ST14: variants seen among roughly 807,000 people sequenced by gnomAD.
The protein encoded by ST14 is ST14 transmembrane serine protease matriptase, also known as suppressor of tumorigenicity 14 protein.
In ST14, 40 loss-of-function variants were observed where a neutral mutation model predicts 96.5. The observed-to-expected ratio is 0.41, with a 90% CI of 0.32 to 0.54. ST14 has a LOEUF of 0.54. Ranked by LOEUF, ST14 falls within the 20% of genes least tolerant of loss-of-function variation. ST14 has a pLI of 0.17. For synonymous variants in ST14, 506 were observed against 492.1 expected (o/e 1.03, Z -0.37); for missense variants, 1,066 against 1,188.9 (o/e 0.90, Z 1.52).
chr11:130,200,816 C>T (rs1001934373), intron 16 of ST14, among the ~76,000 whole-genome samples: 1 of 152,192 alleles, frequency 6.6e-6, no homozygotes, highest in Non-Finnish European at 1.5e-5. Context: ...GAAGTAGGGA[C>T]GTTTGCTTGG....
chr11:130,185,451 G>A (rs1252670510), intron 1 of ST14, among the ~76,000 whole-genome samples: 2 of 152,152 alleles, frequency 1.3e-5, no homozygotes, highest in African/African-American at 2.4e-5. Flanking sequence ...CCAGGAGTTC[G>A]AGATAAGCCT....
chr11:130,173,032 C>T (rs563358918), intron 1 of ST14, among the ~76,000 whole-genome samples: 4 of 152,154 alleles, frequency 2.6e-5, no homozygotes, highest in South Asian at 2.1e-4. Context: ...GGCGTCACCA[C>T]GCGAGTGGTC....
At chr11:130,166,775 G>A (rs1355901152) in intron 1 of ST14, among the ~76,000 whole-genome samples, 1 of 152,314 alleles carries the variant, frequency 6.6e-6, no homozygotes, top group Non-Finnish European at 1.5e-5. Flanking sequence ...GAGAGATCAG[G>A]CATGGAAGTG....
chr11:130,177,831 T>C (rs1287075169), intron 1 of ST14, among the ~76,000 whole-genome samples: 1 of 152,268 alleles, frequency 6.6e-6, no homozygotes, highest in African/African-American at 2.4e-5. Flanking sequence ...ATTTAAGTTT[T>C]AGTGGAGGCT....
chr11:130,209,587 C>CG lies in ST14; in HGVS notation c.2406+13dup. ...GCGTGGACTCCTGCCAGGTGGCCCCCGGGGCAGGAGGGCGGCAGGTGGGCC... is the reference window on the plus strand; with the variant it reads ...GCGTGGACTCCTGCCAGGTGGCCCCCGGGGGCAGGAGGGCGGCAGGTGGGCC... On this transcript the variant is annotated intron_variant, in intron 18 of 18. Transcript: ENST00000278742. 6.3e-7 allele frequency: 1 copy of CG among 1,581,122 alleles called. No individual in the cohort carries two copies. Among genetic ancestry groups the CG allele is most frequent in the Non-Finnish European group, 8.6e-7 (1 of 1,164,060 alleles).
intron 16 of ST14, among the ~76,000 whole-genome samples, chr11:130,202,617 G>T (rs1953441096): frequency 6.6e-6 from 1 of 152,186 alleles, no homozygotes; most frequent in Non-Finnish European, 1.5e-5. Context: ...GAGGCAGGGA[G>T]GTGTGAGATG....
At position 130,205,974 on chromosome 11, in the gene ST14, G is replaced by A. The variant is rs529219246; in HGVS notation, c.1995-2436G>A. Among the ~76,000 whole-genome samples the A allele has an allele frequency of 2.0e-5, 3 of 152,250 alleles. No individual in the cohort carries two copies. The South Asian group carries it at 6.2e-4, about 32-fold the overall frequency. On this transcript the variant is annotated intron_variant, in intron 16 of 18. Coordinates refer to ENST00000278742, the MANE Select transcript of ST14 (RefSeq NM_021978.4). ...GGGCTCCCAAAGTGCTAGGATTACA[G>A]GCGTGAGCCACCATGCCCAGCCTTC...
At chr11:130,167,936 G>A (rs534306719) in intron 1 of ST14, among the ~76,000 whole-genome samples, 4 of 152,302 alleles carry the variant, frequency 2.6e-5, no homozygotes, top group Middle Eastern at 3.4e-3. Flanking sequence ...GGCTGGTCTT[G>A]AATCCTGGCC....
At position 130,190,263 on chromosome 11, in the gene ST14, C is replaced by A. The variant is rs111902730; in HGVS notation, c.634+115C>A. On this transcript the variant is annotated intron_variant, in intron 6 of 18. Coordinates refer to ENST00000278742, the MANE Select transcript of ST14 (RefSeq NM_021978.4). ...TCCCTCTGAATGAAGTATATTATGA[C>A]GATCTTTCCAGGCCCTTCCTCTTCC... 1.8e-3 allele frequency: 2,706 copies of A among 1,507,824 alleles called. 41 individuals carry two copies. The African/African-American group carries it at 0.032, about 18-fold the overall frequency. 93.4% of individuals were successfully genotyped at this position (1,507,824 alleles called of 1,614,324 possible).
rs746669150 is a variant in ST14, at chr11:130,198,632, C to T, written c.1684+11C>T. Reference sequence around the variant, plus strand: ...CCTCCTGCCCCAAGGGTGAGGCCCGCCCCACCCATCTTCCTGTTGGGGGCC... The same window carrying T: ...CCTCCTGCCCCAAGGGTGAGGCCCGTCCCACCCATCTTCCTGTTGGGGGCC... On this transcript the variant is annotated intron_variant, in intron 14 of 18. Coordinates refer to ENST00000278742, the MANE Select transcript of ST14 (RefSeq NM_021978.4). The T allele has an allele frequency of 1.2e-6, 2 of 1,607,614 alleles. No individual in the cohort carries two copies. The highest frequency in any genetic ancestry group is 1.7e-6 in the Non-Finnish European group (2 of 1,174,952).
chr11:130,164,099 T>G (rs1241339343), intron 1 of ST14, among the ~76,000 whole-genome samples: 1 of 152,222 alleles, frequency 6.6e-6, no homozygotes, highest in Non-Finnish European at 1.5e-5. Context: ...TGGTGGCTCA[T>G]GTCTCTTTTA....
chr11:130,175,766 C>T (rs575618465), intron 1 of ST14, among the ~76,000 whole-genome samples: 19 of 150,036 alleles, frequency 1.3e-4, no homozygotes, highest in Middle Eastern at 3.6e-3. Flanking sequence ...TGGGTTCAAG[C>T]GATTCTCCTG....
rs575750318 is a variant in ST14, at chr11:130,194,186, T to C, written c.913T>C (p.Phe305Leu). The change falls in exon 8 of 19, where the codon TTC (phenylalanine) becomes CTC (leucine). Residue 305 changes from phenylalanine to leucine, a missense_variant. Transcript: ENST00000278742. ...CTACCCTCCCTCCTACAACCTGACC[T>C]TCCACTCCTCCCAGAACGTCCTGCT... Reference protein sequence around the residue: ...GTYPPSYNLTFHSSQNVLLIT... With the variant: ...GTYPPSYNLTLHSSQNVLLIT... 3 of 1,614,198 alleles carry C rather than the reference T, an allele frequency of 1.9e-6. No homozygotes were observed. The Admixed American group carries it at 5.0e-5, about 27-fold the overall frequency.
At chr11:130,179,250 TGG>T (rs1188766771) in intron 1 of ST14, among the ~76,000 whole-genome samples, 1 of 152,222 alleles carries the variant, frequency 6.6e-6, no homozygotes, top group Non-Finnish European at 1.5e-5. Flanking sequence ...AATCTGGATG[TGG>T]AACAAACACT....
intron 1 of ST14, among the ~76,000 whole-genome samples, chr11:130,166,921 A>T (rs1953046264): frequency 6.6e-6 from 1 of 152,238 alleles, no homozygotes; most frequent in Non-Finnish European, 1.5e-5. Flanking sequence ...GTAAGAATTT[A>T]AAAATGAGGC....
chr11:130,184,966 T>A (rs1953224803), intron 1 of ST14, among the ~76,000 whole-genome samples: 1 of 152,154 alleles, frequency 6.6e-6, no homozygotes. Context: ...AAAAATCTGT[T>A]TAGCCACTCA....
chr11:130,172,679 A>G (rs1264754303), intron 1 of ST14, among the ~76,000 whole-genome samples: 1 of 151,814 alleles, frequency 6.6e-6, no homozygotes, highest in African/African-American at 2.4e-5. Flanking sequence ...AGCCTCCCAA[A>G]GTGCTGGGAC....
chr11:130,195,073 C>A (rs759336100), intron 9 of ST14, among the ~76,000 whole-genome samples: 23 of 152,096 alleles, frequency 1.5e-4, no homozygotes, highest in Admixed American at 6.5e-4. Context: ...CATAGTGAGA[C>A]CTCATCTCTA....
chr11:130,208,662 C>T lies in ST14; in HGVS notation c.2247C>T (p.Gly749=). Residue 749 remains glycine, a synonymous_variant, in exon 17 of 19, where the codon GGC becomes GGT. Coordinates refer to ENST00000278742, the MANE Select transcript of ST14 (RefSeq NM_021978.4). ...FPAGKAIWVT[G]WGHTQYGGTG... Reference sequence around the variant, plus strand: ...CCGGCAAGGCCATCTGGGTCACGGGCTGGGGACACACCCAGTATGGAGGTA... The same window carrying T: ...CCGGCAAGGCCATCTGGGTCACGGGTTGGGGACACACCCAGTATGGAGGTA... The T allele has an allele frequency of 6.2e-7, 1 of 1,613,786 alleles. No homozygotes were observed. The highest frequency in any genetic ancestry group is 8.5e-7 in the Non-Finnish European group (1 of 1,179,880).
Sources: gnomAD v4.1 joint callset for allele counts (sites outside exome capture counted in the v4.1 genomes callset) on GRCh38, gnomAD v4.1.1 for gene constraint, MANE v1.5 for transcripts, NCBI Gene and HGNC (gene_info 2026-07-23, HGNC 2026-07-21) for gene names.